The following LPCAT1 variants were observed in gnomAD, a reference collection of about 807,000 sequenced individuals.
LPCAT1 encodes the protein lysophosphatidylcholine acyltransferase 1, also known as 1-acylglycerol-3-phosphate O-acyltransferase.
A neutral mutation model predicts 60.9 loss-of-function variants in LPCAT1; 23 were observed. The ratio of observed to expected loss-of-function variants is 0.38; its 90% CI spans 0.27 to 0.53. The LOEUF is 0.53. Ranked by LOEUF, LPCAT1 falls within the 20% of genes least tolerant of loss-of-function variation. The pLI, the probability that LPCAT1 is intolerant of heterozygous loss-of-function variation, is 0.82. For missense variants in LPCAT1, 622 were observed against 723.6 expected, an observed-to-expected ratio of 0.86 and a Z score of 1.61; for synonymous variants, 340 against 301.1, an observed-to-expected ratio of 1.13 and a Z score of -1.34.
At position 1,501,620 on chromosome 5, in the gene LPCAT1, G is replaced by C. The variant is rs193152055; in HGVS notation, c.136-17C>G. Reference sequence around the variant, plus strand: ...GAGGGCCACCTGCAGACAGAGGGGGGCATTATCCAGAGAATCCATGTAGGA... The same window carrying C: ...GAGGGCCACCTGCAGACAGAGGGGGCCATTATCCAGAGAATCCATGTAGGA... On this transcript the variant is annotated splice_polypyrimidine_tract_variant and intron_variant, in intron 1 of 13. Transcript: ENST00000283415. 29 of 1,612,924 alleles carry C rather than the reference G, an allele frequency of 1.8e-5. 1 individual carries two copies. In the Admixed American group the frequency reaches 4.7e-4, roughly 26 times the overall value.
intron 9 of LPCAT1, among the ~76,000 whole-genome samples, chr5:1,475,996 T>C (rs754592840): frequency 6.6e-6 from 1 of 152,208 alleles, no homozygotes. Context: ...TGATGAAACA[T>C]GGTTCCCGGT....
At chr5:1,504,427 G>A (rs562757344) in intron 1 of LPCAT1, among the ~76,000 whole-genome samples, 11 of 152,326 alleles carry the variant, frequency 7.2e-5, no homozygotes, top group African/African-American at 2.2e-4. Flanking sequence ...TGTTAAAGCC[G>A]ACAGCTAGGC....
In LPCAT1 at chr5:1,463,306, C is replaced by T; in HGVS notation, c.*345G>A. On this transcript the variant is annotated 3_prime_UTR_variant, in exon 14 of 14. Coordinates refer to ENST00000283415, the MANE Select transcript of LPCAT1 (RefSeq NM_024830.5). ...TGCACGGAGGCCCGCCCGGTGCACG[C>T]TGCCGCCGGAAGAGGCTGTGACAGA... The T allele has an allele frequency of 3.9e-6, 1 of 254,806 alleles. No homozygotes were observed. Among genetic ancestry groups the T allele is most frequent in the Non-Finnish European group, 7.5e-6 (1 of 132,560 alleles). The allele number at this position is 254,806 out of a possible 1,614,324, so 15.8% of individuals were successfully genotyped here.
chr5:1,513,916 G>A (rs115223644), intron 1 of LPCAT1, among the ~76,000 whole-genome samples: 5,907 of 144,060 alleles, frequency 0.041, 149 homozygotes, highest in Middle Eastern at 0.098. Context: ...CCCGTGGGGC[G>A]GAACACCCTG....
At chr5:1,469,310 G>A (rs946398797) in intron 12 of LPCAT1, among the ~76,000 whole-genome samples, 15 of 152,276 alleles carry the variant, frequency 9.9e-5, no homozygotes, top group African/African-American at 3.1e-4. Flanking sequence ...CCCAGTGGGC[G>A]TCCTCAACCC....
At chr5:1,478,529 G>A (rs1224157483) in intron 8 of LPCAT1, among the ~76,000 whole-genome samples, 6 of 152,272 alleles carry the variant, frequency 3.9e-5, no homozygotes, top group Non-Finnish European at 7.3e-5. Context: ...TGTGTTCTGT[G>A]CTCGAGGCCT....
In LPCAT1 at chr5:1,485,021, C is replaced by A. The variant is rs1735318773; in HGVS notation, c.668-1535G>T. On this transcript the variant is annotated intron_variant, in intron 5 of 13. Coordinates refer to ENST00000283415, the MANE Select transcript of LPCAT1 (RefSeq NM_024830.5). ...GGCAGCCGAGTCCCAGCCCCTGAGA[C>A]ACGCAGTGTGGAGGAAATAGTCCTC... Among the ~76,000 whole-genome samples the A allele has an allele frequency of 1.3e-5, 2 of 152,214 alleles. 1 individual carries two copies. The highest frequency in any genetic ancestry group is 1.3e-4 in the Admixed American group (2 of 15,286).
chr5:1,467,631 G>C (rs1734477983), intron 12 of LPCAT1, among the ~76,000 whole-genome samples: 1 of 152,090 alleles, frequency 6.6e-6, no homozygotes, highest in Non-Finnish European at 1.5e-5. Context: ...CTTGATCAGG[G>C]CCCGCCCATC....
intron 5 of LPCAT1, among the ~76,000 whole-genome samples, chr5:1,485,965 C>A (rs1560969451): frequency 6.6e-6 from 1 of 152,208 alleles, no homozygotes; most frequent in African/African-American, 2.4e-5. Flanking sequence ...GCCCACGCAG[C>A]ATCCTAGGGC....
Position 1,477,452 on chromosome 5 carries a change from T to C in LPCAT1, c.851A>G (p.Lys284Arg), listed in dbSNP as rs1734966465. 6.2e-7 allele frequency: 1 copy of C among 1,614,052 alleles called. No individual in the cohort carries two copies. Among genetic ancestry groups the C allele is most frequent in the Non-Finnish European group, 8.5e-7 (1 of 1,179,954 alleles). Residue 284 changes from lysine (K) to arginine (R), a missense_variant, in exon 9 of 14, where the codon AAG (lysine) becomes AGG (arginine). Physicochemically the swap from Lys to Arg is conservative, Grantham distance 26. This residue lies in a region of LPCAT1 where 209 missense variants were observed against 325.5 expected (regional missense o/e 0.64). Coordinates refer to ENST00000283415, the MANE Select transcript of LPCAT1 (RefSeq NM_024830.5). This position sits in a 1 kb window ranked among gnomAD's most constrained non-coding sequence, Gnocchi z 6.0. Reference protein sequence around the residue: ...LPVYSPSEEEKRNPALYASNV... With the variant: ...LPVYSPSEEERRNPALYASNV... ...GCTGGCATACAGCGCGGGGTTCCTCTTCTCCTCCTCAGAAGGGCTGTACAC... is the reference window on the plus strand; with the variant it reads ...GCTGGCATACAGCGCGGGGTTCCTCCTCTCCTCCTCAGAAGGGCTGTACAC...
intron 2 of LPCAT1, among the ~76,000 whole-genome samples, chr5:1,500,253 C>T (rs879469970): frequency 2.6e-5 from 4 of 152,178 alleles, no homozygotes; most frequent in Admixed American, 6.5e-5. Context: ...ATAGGACACG[C>T]GTGGTAACTT....
chr5:1,474,373 C>T (rs901586820), intron 10 of LPCAT1, among the ~76,000 whole-genome samples, 187 bp downstream of exon 10: 5 of 152,256 alleles, frequency 3.3e-5, no homozygotes, highest in African/African-American at 1.2e-4. Context: ...GCGCCGTCCA[C>T]AGACAGCTGA....
rs1734095492 is a variant in LPCAT1, at chr5:1,461,619, A to C, written c.*2032T>G. The C allele has an allele frequency of 6.5e-6, 1 of 152,798 alleles. No homozygotes were observed. The highest frequency in any genetic ancestry group is 2.4e-5 in the African/African-American group (1 of 41,464). 9.5% of individuals were successfully genotyped at this position (152,798 alleles called of 1,614,324 possible). The stretch of plus-strand genomic sequence containing the variant: ...GTCTCACACACAAGGGGTTTAACTC[A>C]ACGCTATGTACATTCACAGTTCCGA... On this transcript the variant is annotated 3_prime_UTR_variant, in exon 14 of 14. Transcript: ENST00000283415.
intron 13 of LPCAT1, among the ~76,000 whole-genome samples, chr5:1,464,998 CAATA>C (rs1028437783): frequency 5.3e-5 from 8 of 150,530 alleles, no homozygotes; most frequent in Admixed American, 3.3e-4. Flanking sequence ...TGCAGGCACA[CAATA>C]ACATGCACAC....
chr5:1,482,206 C>T (rs912105050), intron 6 of LPCAT1, among the ~76,000 whole-genome samples: 4 of 151,596 alleles, frequency 2.6e-5, no homozygotes, highest in Non-Finnish European at 5.9e-5. Context: ...CAAGGACGTG[C>T]GGGAGTCATT....
chr5:1,518,830 T>C lies in LPCAT1; in HGVS notation c.135+4880A>G, dbSNP rs114600996. Among the ~76,000 whole-genome samples the C allele has an allele frequency of 4.6e-3, 699 of 152,328 alleles. 6 individuals carry two copies. Among genetic ancestry groups the C allele is most frequent in the African/African-American group, 0.016 (654 of 41,576 alleles). ...CATCATTCTGAAATGCGTAAAAACA[T>C]GTGCTCCTTTAGAGTTCCGGAGCCA... On this transcript the variant is annotated intron_variant, in intron 1 of 13. Transcript: ENST00000283415.
chr5:1,523,634 C>G lies in LPCAT1; in HGVS notation c.135+76G>C, dbSNP rs1736743821. 1 of 1,008,094 alleles carries G rather than the reference C, an allele frequency of 9.9e-7. No homozygotes were observed. Among genetic ancestry groups the G allele is most frequent in the African/African-American group, 1.7e-5 (1 of 57,384 alleles). 62.4% of individuals were successfully genotyped at this position (1,008,094 alleles called of 1,614,324 possible). ...CCCCAGGCCCCCTCCCCGGCCCCTC[C>G]TCGGCCGCGCCTCCCTGGCCCCAGC... is the stretch of plus-strand genomic sequence containing the variant. On this transcript the variant is annotated intron_variant, in intron 1 of 13. Transcript: ENST00000283415. The surrounding 1 kb of genome is among the most constrained non-coding windows in gnomAD (Gnocchi z 7.1).
rs1735772682 is a variant in LPCAT1 at position 1,495,938 on chromosome 5, G to T, written c.279-1024C>A. Among the ~76,000 whole-genome samples the T allele has an allele frequency of 6.6e-6, 1 of 152,354 alleles. No homozygotes were observed. Among genetic ancestry groups the T allele is most frequent in the East Asian group, 1.9e-4 (1 of 5,194 alleles). ...CCACCTTGGAATGGCCTTTGTGTAT[G>T]CGATGATAAACAATGGTGTAGTTAC... On this transcript the variant is annotated intron_variant, in intron 2 of 13. Coordinates refer to ENST00000283415, the MANE Select transcript of LPCAT1 (RefSeq NM_024830.5). This position sits in a 1 kb window ranked among gnomAD's most constrained non-coding sequence, Gnocchi z 4.7.
Position 1,521,462 on chromosome 5 carries a change from C to T in LPCAT1, c.135+2248G>A, listed in dbSNP as rs958796072. 1 of 985,250 alleles carries T rather than the reference C, an allele frequency of 1.0e-6. No homozygotes were observed. Among genetic ancestry groups the T allele is most frequent in the African/African-American group, 1.7e-5 (1 of 57,244 alleles). The allele number at this position is 985,250 out of a possible 1,614,324, so 61.0% of individuals were successfully genotyped here. A position where few individuals can be genotyped will look rare whatever the true frequency, so the allele number is the denominator to read the frequency against. On this transcript the variant is annotated intron_variant, in intron 1 of 13. Coordinates refer to ENST00000283415, the MANE Select transcript of LPCAT1 (RefSeq NM_024830.5). This position sits in a 1 kb window ranked among gnomAD's most constrained non-coding sequence, Gnocchi z 4.3. ...AGGCTTTCTTGGCTTGAAAGACAGG[C>T]TATTTCACTCTGTGGAAACTTTACA...
Sources: allele counts gnomAD v4.1 joint callset (sites outside exome capture counted in the v4.1 genomes callset), GRCh38; gene constraint gnomAD v4.1.1; regional missense constraint gnomAD v4.1.1; non-coding constraint Gnocchi (gnomAD v3.1); transcripts MANE v1.5; gene names NCBI Gene and HGNC (gene_info 2026-07-23, HGNC 2026-07-21).